NEK7: variants seen among roughly 807,000 people sequenced by gnomAD.
NEK7 encodes serine/threonine-protein kinase Nek7.
A neutral mutation model predicts 44.6 loss-of-function variants in NEK7; 18 were observed. The observed-to-expected ratio is 0.40, with a 90% confidence interval of 0.28 to 0.60. The LOEUF is 0.60. NEK7 is among the 20% of genes least tolerant of loss of function. The probability of loss-of-function intolerance (pLI) is 0.38; values close to 1 mark genes in which losing one functional copy is unlikely to be tolerated. For synonymous variants in NEK7, 130 were observed against 121.1 expected, an observed-to-expected ratio of 1.07 and a Z score of -0.48; for missense variants, 256 against 366.5, an observed-to-expected ratio of 0.70 and a Z score of 2.46.
At chr1:198,227,643 G>GT (rs1261337113) in intron 1 of NEK7, among the ~76,000 whole-genome samples, 2 of 152,152 alleles carry the variant, frequency 1.3e-5, no homozygotes, top group East Asian at 3.9e-4. Context: ...TTTTTCATGT[G>GT]TTTTTTGGCT....
intron 1 of NEK7, among the ~76,000 whole-genome samples, chr1:198,159,465 T>A (rs1309732291): frequency 6.6e-6 from 1 of 152,194 alleles, no homozygotes; most frequent in Non-Finnish European, 1.5e-5. Flanking sequence ...TCCATGTGAC[T>A]GAGGCGGGTT....
intron 1 of NEK7, among the ~76,000 whole-genome samples, chr1:198,168,038 G>A (rs1416569796): frequency 6.6e-6 from 1 of 152,160 alleles, no homozygotes; most frequent in Admixed American, 6.5e-5. Context: ...AAAATTTGGA[G>A]TTTATAAACA....
chr1:198,242,727 G>A (rs1279311821), intron 2 of NEK7, among the ~76,000 whole-genome samples: 1 of 151,404 alleles, frequency 6.6e-6, no homozygotes, highest in Admixed American at 6.6e-5. Context: ...CCCACAAAGT[G>A]CTGGGATTAC....
At chr1:198,232,781 T>A in intron 2 of NEK7, 144 bp downstream of exon 2, 3 of 465,174 alleles carry the variant, frequency 6.4e-6, no homozygotes, top group Non-Finnish European at 1.1e-5. Context: ...ATCAGCATTT[T>A]TTTTTTTTTT....
intron 1 of NEK7, among the ~76,000 whole-genome samples, chr1:198,210,745 T>C (rs901699747): frequency 1.0e-5 from 1 of 98,240 alleles, no homozygotes; most frequent in Non-Finnish European, 2.1e-5. Context: ...GTATTTCTTT[T>C]TTTTTTTTTT....
chr1:198,282,366 A>G (rs1012934445), intron 7 of NEK7, among the ~76,000 whole-genome samples: 1 of 151,998 alleles, frequency 6.6e-6, no homozygotes, highest in Non-Finnish European at 1.5e-5. Flanking sequence ...GGTGTCCTCT[A>G]GCTTCCCACT....
Position 198,253,147 on chromosome 1 carries a change from G to A in NEK7, c.165G>A (p.Leu55=). 6.2e-7 allele frequency: 1 copy of A among 1,610,528 alleles called. No homozygotes were observed. Among genetic ancestry groups the A allele is most frequent in the Non-Finnish European group, 8.5e-7 (1 of 1,177,502 alleles). ...FSEVYRAACL[L]DGVPVALKKV... ...AAGTTTATAGAGCAGCCTGTCTCTTGGATGGAGTACCAGTAGCTTTAAAAA... is the reference window on the plus strand; with the variant it reads ...AAGTTTATAGAGCAGCCTGTCTCTTAGATGGAGTACCAGTAGCTTTAAAAA... The change falls in exon 3 of 10, where the codon TTG becomes TTA. Residue 55 remains leucine, a synonymous_variant. Coordinates refer to ENST00000367385, the MANE Select transcript of NEK7 (RefSeq NM_133494.3).
At chr1:198,180,718 G>A (rs1043479335) in intron 1 of NEK7, among the ~76,000 whole-genome samples, 1 of 152,016 alleles carries the variant, frequency 6.6e-6, no homozygotes, top group African/African-American at 2.4e-5. Context: ...GAACACACAT[G>A]GAGTATTTTC....
chr1:198,288,688 G>A lies in NEK7; in HGVS notation c.590-4257G>A, dbSNP rs191845341. 2.2e-3 allele frequency among the ~76,000 whole-genome samples: 336 copies of A among 152,146 alleles called. 1 individual carries two copies. Among genetic ancestry groups the A allele is most frequent in the Non-Finnish European group, 4.3e-3 (295 of 67,990 alleles). On this transcript the variant is annotated intron_variant, in intron 7 of 9. Transcript: ENST00000367385. ...ATAAAACTACCTTATAATAGTCCCC[G>A]TTTTCACTGGACTGTGAGCCCCACA...
chr1:198,243,023 C>T (rs1435177219), intron 2 of NEK7, among the ~76,000 whole-genome samples: 3 of 152,006 alleles, frequency 2.0e-5, no homozygotes, highest in East Asian at 3.9e-4. Context: ...CCTTGCTCAC[C>T]GTACTCCAGC....
chr1:198,170,930 A>T (rs1331081183), intron 1 of NEK7, among the ~76,000 whole-genome samples: 3 of 152,276 alleles, frequency 2.0e-5, no homozygotes, highest in African/African-American at 7.2e-5. Flanking sequence ...TTTCTTAAAA[A>T]AAAATGTTTT....
At chr1:198,163,820 A>AT (rs1374078575) in intron 1 of NEK7, among the ~76,000 whole-genome samples, 2 of 152,158 alleles carry the variant, frequency 1.3e-5, no homozygotes, top group African/African-American at 4.8e-5. Flanking sequence ...GAAAACTGAC[A>AT]TTTTTTTCCA....
At chr1:198,294,281 C>T (rs1263593134) in intron 8 of NEK7, among the ~76,000 whole-genome samples, 1 of 151,786 alleles carries the variant, frequency 6.6e-6, no homozygotes, top group African/African-American at 2.4e-5. Flanking sequence ...TTTATATGTG[C>T]ACGAGATTAC....
chr1:198,177,305 G>C (rs1664630788), intron 1 of NEK7, among the ~76,000 whole-genome samples: 1 of 152,102 alleles, frequency 6.6e-6, no homozygotes, highest in African/African-American at 2.4e-5. Flanking sequence ...AGGGATCAAA[G>C]TGTTCTCTTC....
At chr1:198,189,214 T>C (rs904958227) in intron 1 of NEK7, among the ~76,000 whole-genome samples, 2 of 152,122 alleles carry the variant, frequency 1.3e-5, no homozygotes, top group Non-Finnish European at 2.9e-5. Flanking sequence ...GAAAAGAAAG[T>C]GGAAAAGAAT....
intron 8 of NEK7, among the ~76,000 whole-genome samples, chr1:198,296,514 T>C (rs557197049): frequency 6.6e-5 from 10 of 152,330 alleles, no homozygotes; most frequent in African/African-American, 2.4e-4. Flanking sequence ...ATTACAGCTA[T>C]GACTCATAGA....
chr1:198,215,543 A>T (rs933201663), intron 1 of NEK7, among the ~76,000 whole-genome samples: 5 of 151,806 alleles, frequency 3.3e-5, no homozygotes, highest in Admixed American at 1.3e-4. Context: ...GCCCAAGACA[A>T]TTCTTCTTCT....
At chr1:198,276,955 A>G (rs1654035405) in intron 5 of NEK7, among the ~76,000 whole-genome samples, 1 of 151,692 alleles carries the variant, frequency 6.6e-6, no homozygotes, top group African/African-American at 2.4e-5. Flanking sequence ...AATAACAAAA[A>G]ATCAATTTAG....
chr1:198,229,144 C>T (rs1364170123), intron 1 of NEK7, among the ~76,000 whole-genome samples: 1 of 152,120 alleles, frequency 6.6e-6, no homozygotes, highest in African/African-American at 2.4e-5. Context: ...TTTGTCCAGT[C>T]ACATTTCTGT....
Sources: gnomAD v4.1 joint callset for allele counts (sites outside exome capture counted in the v4.1 genomes callset) on GRCh38, gnomAD v4.1.1 for gene constraint, MANE v1.5 for transcripts, NCBI Gene and HGNC (gene_info 2026-07-23, HGNC 2026-07-21) for gene names.